ATP9B: variants seen among roughly 807,000 people sequenced by gnomAD.
ATP9B encodes probable phospholipid-transporting ATPase IIB.
A neutral mutation model predicts 146.1 loss-of-function variants in ATP9B; 110 were observed. The ratio of observed to expected loss-of-function variants is 0.75; its 90% confidence interval spans 0.65 to 0.88. The LOEUF is 0.88. Among genes scored for constraint, ATP9B ranks in the 40% least tolerant of loss-of-function variants. ATP9B has a pLI of 0.00. For missense variants in ATP9B, 1,499 were observed against 1,496.4 expected, an observed-to-expected ratio of 1.00 and a Z score of -0.03; for synonymous variants, 604 against 569.7, an observed-to-expected ratio of 1.06 and a Z score of -0.86.
intron 6 of ATP9B, among the ~76,000 whole-genome samples, chr18:79,152,984 T>C (rs1274608393): frequency 6.6e-6 from 1 of 152,212 alleles, no homozygotes; most frequent in Non-Finnish European, 1.5e-5. Flanking sequence ...TCACATTTAA[T>C]TTCTCTCAAC....
intron 8 of ATP9B, among the ~76,000 whole-genome samples, chr18:79,192,924 C>G (rs1199137959): frequency 6.6e-6 from 1 of 152,144 alleles, no homozygotes; most frequent in African/African-American, 2.4e-5. Context: ...GGACAGGCCC[C>G]GGGGCTGCCT....
intron 14 of ATP9B, among the ~76,000 whole-genome samples, chr18:79,305,221 C>T (rs535365691): frequency 6.6e-6 from 1 of 152,348 alleles, no homozygotes; most frequent in Non-Finnish European, 1.5e-5. Context: ...GACACTTTCC[C>T]ATTGCTGCGT....
intron 1 of ATP9B, among the ~76,000 whole-genome samples, chr18:79,069,838 G>A (rs948992251): frequency 1.3e-5 from 2 of 152,244 alleles, no homozygotes; most frequent in Non-Finnish European, 2.9e-5. Context: ...AGTAAACGGG[G>A]ATCAAAAGTG....
At chr18:79,374,668 G>A (rs1463548074) in intron 28 of ATP9B, among the ~76,000 whole-genome samples, 2 of 152,270 alleles carry the variant, frequency 1.3e-5, no homozygotes, top group African/African-American at 4.8e-5. Context: ...CTCAGTGCCT[G>A]AGTGTCCATG....
chr18:79,290,851 C>A (rs1204607915), intron 13 of ATP9B, among the ~76,000 whole-genome samples: 1 of 152,198 alleles, frequency 6.6e-6, no homozygotes, highest in Non-Finnish European at 1.5e-5. Context: ...TAACTAGAAT[C>A]TTCACAAGAA....
intron 25 of ATP9B, among the ~76,000 whole-genome samples, chr18:79,356,238 G>T (rs1029779006): frequency 2.6e-5 from 4 of 152,132 alleles, no homozygotes; most frequent in African/African-American, 9.7e-5. Context: ...ACAGAAACTG[G>T]ATAGCTCTTA....
intron 12 of ATP9B, among the ~76,000 whole-genome samples, chr18:79,256,389 A>G (rs952960214): frequency 6.7e-6 from 1 of 150,064 alleles, no homozygotes; most frequent in Non-Finnish European, 1.5e-5. Context: ...GCTAGGTGGT[A>G]GTGGTGTTTT....
chr18:79,216,272 C>T (rs752348988), intron 11 of ATP9B, among the ~76,000 whole-genome samples: 5 of 152,104 alleles, frequency 3.3e-5, no homozygotes, highest in Non-Finnish European at 7.4e-5. Flanking sequence ...GGTCTTGGTT[C>T]TGCGTTGGAG....
intron 26 of ATP9B, among the ~76,000 whole-genome samples, chr18:79,369,950 T>G (rs1033503193): frequency 6.6e-6 from 1 of 152,014 alleles, no homozygotes; most frequent in African/African-American, 2.4e-5. Context: ...AGTACAAAAA[T>G]TAGCAGGGTG....
intron 7 of ATP9B, among the ~76,000 whole-genome samples, chr18:79,163,738 G>A (rs1194876791): frequency 6.6e-6 from 1 of 151,532 alleles, no homozygotes. Flanking sequence ...ATGCGTGTGT[G>A]TATATATATA....
chr18:79,173,789 C>T (rs898377426), intron 7 of ATP9B: 6 of 455,284 alleles, frequency 1.3e-5, no homozygotes, highest in Non-Finnish European at 2.6e-5. Flanking sequence ...CTTTTTCCCC[C>T]ACATTGTTTT....
At chr18:79,359,171 A>C (rs923083582) in intron 25 of ATP9B, among the ~76,000 whole-genome samples, 183 bp from the exon 26 acceptor site, 3 of 152,280 alleles carry the variant, frequency 2.0e-5, no homozygotes, top group South Asian at 4.1e-4. Context: ...AGAACATGCT[A>C]CTGTGCTCTG....
At chr18:79,265,813 A>G (rs1171382160) in intron 12 of ATP9B, among the ~76,000 whole-genome samples, 1 of 152,086 alleles carries the variant, frequency 6.6e-6, no homozygotes, top group Non-Finnish European at 1.5e-5. Flanking sequence ...ATCTTCACCC[A>G]TGCCTGTGTG....
intron 15 of ATP9B, among the ~76,000 whole-genome samples, chr18:79,312,402 A>G (rs541215181): frequency 1.3e-5 from 2 of 152,240 alleles, no homozygotes; most frequent in African/African-American, 4.8e-5. Context: ...GCATCCTGGC[A>G]CTCGCTCGTT....
intron 5 of ATP9B, among the ~76,000 whole-genome samples, chr18:79,131,007 A>G (rs1017205857): frequency 6.6e-6 from 1 of 152,164 alleles, no homozygotes; most frequent in African/African-American, 2.4e-5. Context: ...CTAAAAATAC[A>G]AAAATGAGCT....
intron 7 of ATP9B, among the ~76,000 whole-genome samples, chr18:79,171,595 G>C (rs373568438): frequency 2.0e-5 from 3 of 152,048 alleles, no homozygotes; most frequent in Non-Finnish European, 4.4e-5. Flanking sequence ...CTTACCTGTA[G>C]TAGAATATCA....
At chr18:79,265,338 T>C (rs1337823596) in intron 12 of ATP9B, among the ~76,000 whole-genome samples, 1 of 152,096 alleles carries the variant, frequency 6.6e-6, no homozygotes, top group Non-Finnish European at 1.5e-5. Flanking sequence ...GGCATTTAGG[T>C]TTATTCCTTG....
chr18:79,141,817 A>G (rs2094517668), intron 5 of ATP9B, among the ~76,000 whole-genome samples: 1 of 152,236 alleles, frequency 6.6e-6, no homozygotes, highest in Admixed American at 6.5e-5. Context: ...CCAGAAATCA[A>G]ATATTTAATG....
intron 11 of ATP9B, among the ~76,000 whole-genome samples, chr18:79,226,173 T>C (rs1040502868): frequency 2.0e-5 from 3 of 152,238 alleles, no homozygotes; most frequent in African/African-American, 4.8e-5. Flanking sequence ...GTTTTGGGTG[T>C]CACAGCCTGA....
Sources: allele counts gnomAD v4.1 joint callset (sites outside exome capture counted in the v4.1 genomes callset), GRCh38; gene constraint gnomAD v4.1.1; transcripts MANE v1.5; gene names NCBI Gene and HGNC (gene_info 2026-07-23, HGNC 2026-07-21).